BABAM2: variants seen among roughly 807,000 people sequenced by gnomAD.
BABAM2 encodes the protein BRISC and BRCA1-A complex member 2.
Under a neutral mutation model 54.7 loss-of-function variants are expected in BABAM2, and 31 were observed. The observed-to-expected ratio is 0.57, with a 90% confidence interval of 0.43 to 0.77. The LOEUF is 0.77. Ranked by LOEUF, BABAM2 falls within the 30% of genes least tolerant of loss-of-function variation. The pLI, the probability that BABAM2 is intolerant of heterozygous loss-of-function variation, is 0.00. For missense variants in BABAM2, 364 were observed against 455.8 expected (o/e 0.80, Z 1.83); for synonymous variants, 167 against 162.9 (o/e 1.03, Z -0.19).
chr2:28,062,683 T>C (rs759746199), intron 6 of BABAM2, among the ~76,000 whole-genome samples: 2 of 151,828 alleles, frequency 1.3e-5, no homozygotes, highest in Non-Finnish European at 2.9e-5. Context: ...CTCACATCAA[T>C]GTAGAGTAAA....
intron 4 of BABAM2, chr2:28,016,631 A>G (rs1674844897): frequency 4.2e-6 from 2 of 475,390 alleles, no homozygotes; most frequent in South Asian, 2.1e-5. Flanking sequence ...ACAGCTTCAA[A>G]CATCATAGCA....
intron 6 of BABAM2, among the ~76,000 whole-genome samples, chr2:28,108,291 A>G (rs561662805): frequency 6.6e-6 from 1 of 152,308 alleles, no homozygotes; most frequent in East Asian, 1.9e-4. Context: ...AACTTGTCTC[A>G]TTCAAGTTGA....
At chr2:27,982,263 G>A (rs142016891) in intron 3 of BABAM2, among the ~76,000 whole-genome samples, 215 of 152,080 alleles carry the variant, frequency 1.4e-3, no homozygotes, top group Admixed American at 3.3e-3. Flanking sequence ...TCCTTTATTA[G>A]CTATGTGATT....
At chr2:27,950,179 G>A (rs953550591) in intron 3 of BABAM2, among the ~76,000 whole-genome samples, 1 of 152,098 alleles carries the variant, frequency 6.6e-6, no homozygotes, top group African/African-American at 2.4e-5. Context: ...AAAAATATCA[G>A]GTTGAAGTCA....
At chr2:28,061,368 G>A (rs907669377) in intron 6 of BABAM2, among the ~76,000 whole-genome samples, 2 of 151,640 alleles carry the variant, frequency 1.3e-5, no homozygotes, top group African/African-American at 4.8e-5. Flanking sequence ...GGCAGATCAC[G>A]AGGTCAGGAG....
intron 7 of BABAM2, among the ~76,000 whole-genome samples, chr2:28,192,750 C>T (rs1344042736): frequency 6.6e-6 from 1 of 151,836 alleles, no homozygotes; most frequent in Non-Finnish European, 1.5e-5. Context: ...TCTCTATCTC[C>T]TGACCTCGTG....
chr2:28,336,810 C>T (rs1691510119), intron 11 of BABAM2, among the ~76,000 whole-genome samples: 1 of 152,256 alleles, frequency 6.6e-6, no homozygotes, highest in Non-Finnish European at 1.5e-5. Flanking sequence ...CAGGGCCTGT[C>T]AGATTGCGTG....
At chr2:28,018,203 C>G (rs1165038481) in intron 4 of BABAM2, among the ~76,000 whole-genome samples, 2 of 152,172 alleles carry the variant, frequency 1.3e-5, no homozygotes, top group Admixed American at 6.5e-5. Context: ...TGTCCTCATT[C>G]TTATACATTT....
intron 7 of BABAM2, among the ~76,000 whole-genome samples, chr2:28,164,535 T>TA (rs143968314): frequency 0.069 from 10,242 of 147,664 alleles, 362 homozygotes; most frequent in African/African-American, 0.079. Flanking sequence ...TCCAATGCAT[T>TA]AAAAAAAAAA....
At chr2:28,025,961 G>A (rs1478364874) in intron 5 of BABAM2, among the ~76,000 whole-genome samples, 2 of 151,820 alleles carry the variant, frequency 1.3e-5, no homozygotes, top group African/African-American at 4.8e-5. Context: ...TTCTCTCATG[G>A]TAAAAGCCAA....
intron 3 of BABAM2, among the ~76,000 whole-genome samples, chr2:27,984,375 C>G (rs1395899588): frequency 6.6e-6 from 1 of 152,098 alleles, no homozygotes; most frequent in African/African-American, 2.4e-5. Context: ...TCAGGACATT[C>G]ATATTATCTC....
intron 3 of BABAM2, among the ~76,000 whole-genome samples, chr2:27,955,056 A>G (rs1179809392): frequency 6.6e-6 from 1 of 152,138 alleles, no homozygotes; most frequent in Admixed American, 6.5e-5. Context: ...GACACCAAAA[A>G]GCTTTGTACA....
At chr2:27,960,562 G>A (rs1033628763) in intron 3 of BABAM2, among the ~76,000 whole-genome samples, 1 of 151,870 alleles carries the variant, frequency 6.6e-6, no homozygotes, top group Admixed American at 6.6e-5. Flanking sequence ...TTTCTACTTT[G>A]CGTAGCTCAG....
chr2:28,020,388 A>G (rs1675160564), intron 4 of BABAM2, among the ~76,000 whole-genome samples: 1 of 152,240 alleles, frequency 6.6e-6, no homozygotes, highest in Non-Finnish European at 1.5e-5. Flanking sequence ...ATATATGCAT[A>G]CATACATATG....
intron 6 of BABAM2, among the ~76,000 whole-genome samples, chr2:28,106,925 C>A (rs536300067): frequency 3.3e-5 from 5 of 152,134 alleles, no homozygotes; most frequent in Admixed American, 3.3e-4. Flanking sequence ...GTTAAACAAC[C>A]ATTTTCATAC....
chr2:28,020,211 A>G (rs1675148463), intron 4 of BABAM2, among the ~76,000 whole-genome samples: 2 of 152,222 alleles, frequency 1.3e-5, no homozygotes, highest in African/African-American at 2.4e-5. Context: ...TAGAAGAGAC[A>G]ATTGGAGTCT....
At chr2:27,919,316 C>T (rs1667195786) in intron 2 of BABAM2, among the ~76,000 whole-genome samples, 1 of 152,120 alleles carries the variant, frequency 6.6e-6, no homozygotes, top group East Asian at 1.9e-4. Context: ...AAAGTAAGTT[C>T]TGTTTCTTCT....
intron 3 of BABAM2, among the ~76,000 whole-genome samples, chr2:27,980,635 C>G (rs1463564903): frequency 6.6e-6 from 1 of 151,990 alleles, no homozygotes; most frequent in East Asian, 1.9e-4. Context: ...ATTCTGAAAG[C>G]TATTTTAAGT....
intron 6 of BABAM2, among the ~76,000 whole-genome samples, chr2:28,046,936 T>C (rs943068373): frequency 6.6e-6 from 1 of 152,016 alleles, no homozygotes; most frequent in African/African-American, 2.4e-5. Context: ...GCCAAGCTAA[T>C]TTTTTGTTTT....
Sources: allele counts gnomAD v4.1 joint callset (sites outside exome capture counted in the v4.1 genomes callset), GRCh38; gene constraint gnomAD v4.1.1; transcripts MANE v1.5; gene names NCBI Gene and HGNC (gene_info 2026-07-23, HGNC 2026-07-21).